ANKFN1: variants seen among roughly 807,000 people sequenced by gnomAD.
ANKFN1 encodes the protein ankyrin repeat and fibronectin type-III domain-containing protein 1.
ANKFN1 carries 74 observed loss-of-function variants against 108.7 expected under a neutral mutation model. The observed-to-expected ratio is 0.68, with a 90% CI of 0.56 to 0.83. The LOEUF (loss-of-function observed/expected upper bound fraction) is 0.83. Among genes scored for constraint, ANKFN1 ranks in the 40% least tolerant of loss-of-function variants. ANKFN1 has a pLI of 0.00. For missense variants in ANKFN1, 1,505 were observed against 1,382.3 expected, an observed-to-expected ratio of 1.09 and a Z score of -1.41; for synonymous variants, 547 against 516.2, an observed-to-expected ratio of 1.06 and a Z score of -0.81.
chr17:56,190,642 C>T (rs1328494427), intron 1 of ANKFN1, among the ~76,000 whole-genome samples: 1 of 75,746 alleles, frequency 1.3e-5, no homozygotes, highest in African/African-American at 6.4e-5. Context: ...AGTATGTGGT[C>T]AATTTTGGAA....
intron 8 of ANKFN1, among the ~76,000 whole-genome samples, chr17:56,421,688 G>A (rs757746890): frequency 3.9e-5 from 6 of 152,294 alleles, no homozygotes; most frequent in African/African-American, 7.2e-5. Context: ...AGATTAAGAA[G>A]TCTGTAATCG....
intron 1 of ANKFN1, among the ~76,000 whole-genome samples, chr17:56,154,380 T>A (rs1908887012): frequency 6.6e-6 from 1 of 152,158 alleles, no homozygotes; most frequent in African/African-American, 2.4e-5. Context: ...TTTTCAGGAA[T>A]GAACCTGAAG....
intron 3 of ANKFN1, among the ~76,000 whole-genome samples, chr17:56,264,193 A>T (rs917220608): frequency 6.6e-6 from 1 of 152,238 alleles, no homozygotes; most frequent in African/African-American, 2.4e-5. Flanking sequence ...CACAGAATAA[A>T]GTCAGGTGAC....
intron 4 of ANKFN1, among the ~76,000 whole-genome samples, chr17:56,329,890 T>C (rs1202376449): frequency 2.6e-5 from 4 of 152,136 alleles, no homozygotes; most frequent in Non-Finnish European, 4.4e-5. Flanking sequence ...CCTTCCGCCA[T>C]GTGAAGCTAT....
chr17:56,050,333 T>G (rs56191436), intron 4 of ANKFN1, among the ~76,000 whole-genome samples: 18,898 of 147,538 alleles, frequency 0.13, 2,338 homozygotes, highest in African/African-American at 0.34. Flanking sequence ...TTTCTCCCAT[T>G]TTGTAGGTTG....
chr17:56,049,082 A>G (rs1219208582), intron 4 of ANKFN1, among the ~76,000 whole-genome samples: 3 of 152,158 alleles, frequency 2.0e-5, no homozygotes, highest in African/African-American at 7.2e-5. Context: ...TTTGTAGAAT[A>G]CTTCTTTTTC....
intron 4 of ANKFN1, among the ~76,000 whole-genome samples, chr17:56,133,839 T>C (rs1378667813): frequency 2.0e-5 from 3 of 151,996 alleles, no homozygotes; most frequent in African/African-American, 7.3e-5. Context: ...TGACACCAGA[T>C]GTGCAGGGAT....
chr17:56,314,903 T>A (rs2045154496), intron 3 of ANKFN1, among the ~76,000 whole-genome samples: 2 of 151,698 alleles, frequency 1.3e-5, no homozygotes, highest in South Asian at 4.1e-4. Context: ...TAATTTTTTT[T>A]AATTAGTCAT....
In ANKFN1 at chr17:56,498,924, G is replaced by A. The variant is rs754451345; in HGVS notation, c.2470G>A (p.Ala824Thr). ...GCGTGAAATGAGATGGATCATGGAT[G>A]CTCTACAGTATGCAAGATACAAACA... ...VWREMRWIMDALQYARYKQPV... is the reference protein window; with the variant it reads ...VWREMRWIMDTLQYARYKQPV... The change falls in exon 20 of 21, where the codon GCT becomes ACT. Residue 824 changes from alanine (A) to threonine (T), a missense_variant. Transcript: ENST00000682825. The A allele has an allele frequency of 7.6e-5, 117 of 1,535,550 alleles. No homozygotes were observed. Among genetic ancestry groups the A allele is most frequent in the Admixed American group, 2.9e-4 (15 of 50,948 alleles).
chr17:56,062,384 C>T (rs193105182), intron 4 of ANKFN1, among the ~76,000 whole-genome samples: 1 of 152,222 alleles, frequency 6.6e-6, no homozygotes, highest in African/African-American at 2.4e-5. Context: ...TTGTAGGTCT[C>T]TAAAAACTTG....
At chr17:56,444,230 T>G (rs2145178075) in intron 10 of ANKFN1, among the ~76,000 whole-genome samples, 1 of 152,252 alleles carries the variant, frequency 6.6e-6, no homozygotes, top group South Asian at 2.1e-4. Flanking sequence ...GGAAAAAAAC[T>G]TCTACAGTGT....
At chr17:56,209,890 T>C (rs1000947843) in intron 1 of ANKFN1, among the ~76,000 whole-genome samples, 3 of 152,116 alleles carry the variant, frequency 2.0e-5, no homozygotes, top group African/African-American at 7.2e-5. Flanking sequence ...ATAGCTTAGC[T>C]CCCCACTTAT....
At chr17:56,476,059 A>G (rs1250260903) in intron 15 of ANKFN1, among the ~76,000 whole-genome samples, 1 of 152,212 alleles carries the variant, frequency 6.6e-6, no homozygotes, top group Non-Finnish European at 1.5e-5. Context: ...AGGAAGTGCC[A>G]CACACTTTTA....
intron 4 of ANKFN1, among the ~76,000 whole-genome samples, chr17:56,095,951 T>C (rs187052671): frequency 5.3e-5 from 8 of 152,368 alleles, no homozygotes; most frequent in Admixed American, 3.3e-4. Context: ...GAATCAGAGA[T>C]GCCTAGTGGA....
intron 2 of ANKFN1, among the ~76,000 whole-genome samples, chr17:56,217,342 A>G (rs1915497840): frequency 6.6e-6 from 1 of 152,186 alleles, no homozygotes; most frequent in Admixed American, 6.5e-5. Flanking sequence ...TGCATTTGCT[A>G]AGTCAAAGAC....
intron 4 of ANKFN1, among the ~76,000 whole-genome samples, chr17:56,052,896 G>A (rs1904802624): frequency 6.6e-6 from 1 of 152,178 alleles, no homozygotes; most frequent in Non-Finnish European, 1.5e-5. Context: ...CTTGAAAGTT[G>A]TAGGACCACA....
chr17:56,274,881 G>C (rs1452545733), intron 3 of ANKFN1, among the ~76,000 whole-genome samples: 1 of 152,190 alleles, frequency 6.6e-6, no homozygotes, highest in Non-Finnish European at 1.5e-5. Context: ...AGGCAGGCAG[G>C]TTGAGTTCAA....
intron 4 of ANKFN1, among the ~76,000 whole-genome samples, chr17:56,340,667 T>C (rs191131435): frequency 1.2e-4 from 19 of 152,272 alleles, no homozygotes; most frequent in South Asian, 4.1e-4. Context: ...TCTATGTCTC[T>C]GTTCTTGTGC....
intron 4 of ANKFN1, among the ~76,000 whole-genome samples, chr17:56,344,240 G>T (rs4450465): frequency 0.79 from 120,566 of 152,004 alleles, 48,133 homozygotes; most frequent in East Asian, 0.96. Flanking sequence ...TGTTTAATGA[G>T]TTTTCAGAAT....
Sources: allele counts gnomAD v4.1 joint callset (sites outside exome capture counted in the v4.1 genomes callset), GRCh38; gene constraint gnomAD v4.1.1; transcripts MANE v1.5; gene names NCBI Gene and HGNC (gene_info 2026-07-23, HGNC 2026-07-21).